NR5A2: variants seen among roughly 807,000 people sequenced by gnomAD.
The protein encoded by NR5A2 is nuclear receptor subfamily 5 group A member 2, also known as CYP7A promoter-binding factor.
A neutral mutation model predicts 62.7 loss-of-function variants in NR5A2; 26 were observed. The ratio of observed to expected loss-of-function variants is 0.41; its 90% confidence interval spans 0.30 to 0.58. NR5A2 has a LOEUF of 0.58. NR5A2 is among the 20% of genes least tolerant of loss of function. The pLI is 0.22. For missense variants in NR5A2, 541 were observed against 669.1 expected, an observed-to-expected ratio of 0.81 and a Z score of 2.11; for synonymous variants, 246 against 241.7, an observed-to-expected ratio of 1.02 and a Z score of -0.16.
At chr1:200,035,096 C>T (rs1337098339) in intron 1 of NR5A2, among the ~76,000 whole-genome samples, 1 of 151,982 alleles carries the variant, frequency 6.6e-6, no homozygotes, top group East Asian at 1.9e-4. Context: ...TAGGCAGACC[C>T]GGAGCTCCCG....
chr1:200,056,440 A>G lies in NR5A2; in HGVS notation c.1110+7622A>G, dbSNP rs1042146099. Reference sequence around the variant, plus strand: ...TACTGTTTTTAATGTACAAATGATAAAACAGCTCTTTCACACTTTAAAATT... The same window carrying G: ...TACTGTTTTTAATGTACAAATGATAGAACAGCTCTTTCACACTTTAAAATT... On this transcript the variant is annotated intron_variant, in intron 5 of 7. Coordinates refer to ENST00000367362, the MANE Select transcript of NR5A2 (RefSeq NM_205860.3). Among the ~76,000 whole-genome samples, 77 of 152,202 alleles carry G rather than the reference A, an allele frequency of 5.1e-4. 1 individual carries two copies. Among genetic ancestry groups the G allele is most frequent in the Non-Finnish European group, 5.9e-5 (4 of 68,032 alleles).
intron 7 of NR5A2, among the ~76,000 whole-genome samples, chr1:200,160,745 T>C (rs534665435): frequency 6.6e-6 from 1 of 151,804 alleles, no homozygotes; most frequent in South Asian, 2.1e-4. Flanking sequence ...ACATCTAGTA[T>C]GGGCTAAATT....
At chr1:200,057,295 C>A (rs971597027) in intron 5 of NR5A2, among the ~76,000 whole-genome samples, 1 of 151,980 alleles carries the variant, frequency 6.6e-6, no homozygotes, top group Non-Finnish European at 1.5e-5. Flanking sequence ...GCTTTCAGGC[C>A]ATTTTCTAGT....
At chr1:200,161,917 A>C (rs150741213) in intron 7 of NR5A2, among the ~76,000 whole-genome samples, 31 of 152,326 alleles carry the variant, frequency 2.0e-4, no homozygotes, top group African/African-American at 7.0e-4. Flanking sequence ...GGTGTAGGAA[A>C]TAAGAAACAT....
intron 5 of NR5A2, among the ~76,000 whole-genome samples, chr1:200,050,500 G>A (rs187863481): frequency 9.1e-4 from 139 of 152,218 alleles, no homozygotes; most frequent in Non-Finnish European, 1.8e-3. Context: ...ATATTGAGGA[G>A]GTTTTCAAAG....
At chr1:200,112,395 G>T (rs1388321332) in intron 6 of NR5A2, among the ~76,000 whole-genome samples, 5 of 152,038 alleles carry the variant, frequency 3.3e-5, no homozygotes, top group African/African-American at 7.3e-5. Flanking sequence ...CAATCCTTTG[G>T]GTCATACCTA....
intron 7 of NR5A2, among the ~76,000 whole-genome samples, chr1:200,165,270 A>G (rs951671015): frequency 6.6e-6 from 1 of 151,118 alleles, no homozygotes; most frequent in Non-Finnish European, 1.5e-5. Context: ...TTCCCCTACC[A>G]GCACAAGCCT....
intron 5 of NR5A2, among the ~76,000 whole-genome samples, chr1:200,078,456 CTA>C (rs1433814857): frequency 6.6e-6 from 1 of 152,132 alleles, no homozygotes; most frequent in East Asian, 1.9e-4. Context: ...CTAGGGAGGA[CTA>C]TGTTAAAGTC....
intron 5 of NR5A2, among the ~76,000 whole-genome samples, chr1:200,102,347 CAG>C (rs1395658414): frequency 6.6e-6 from 1 of 152,202 alleles, no homozygotes; most frequent in Admixed American, 6.5e-5. Flanking sequence ...CCCTAGGTTA[CAG>C]AGTGGTTTCT....
chr1:200,042,271 C>T (rs1662127203), intron 2 of NR5A2, among the ~76,000 whole-genome samples: 1 of 152,172 alleles, frequency 6.6e-6, no homozygotes. Context: ...GGCTCTGTGG[C>T]CCGGGAAGAG....
chr1:200,139,487 T>G (rs114190578), intron 7 of NR5A2, among the ~76,000 whole-genome samples: 69 of 152,336 alleles, frequency 4.5e-4, no homozygotes, highest in African/African-American at 1.5e-3. Context: ...TTGTCTATTT[T>G]AGTAGTCTTC....
chr1:200,036,031 A>C (rs1424958895), intron 1 of NR5A2, among the ~76,000 whole-genome samples: 1 of 152,118 alleles, frequency 6.6e-6, no homozygotes, highest in Non-Finnish European at 1.5e-5. Context: ...GCTTACACTA[A>C]GAGGTACAGT....
intron 6 of NR5A2, among the ~76,000 whole-genome samples, chr1:200,117,032 A>C (rs555293781): frequency 6.6e-6 from 1 of 152,340 alleles, no homozygotes; most frequent in Admixed American, 6.5e-5. Context: ...CAGTGATTAG[A>C]ATTAAAAGCA....
At chr1:200,153,462 A>G (rs1160471528) in intron 7 of NR5A2, among the ~76,000 whole-genome samples, 1 of 152,234 alleles carries the variant, frequency 6.6e-6, no homozygotes, top group Non-Finnish European at 1.5e-5. Context: ...AACAGAGGGT[A>G]CGAGCTCTGG....
intron 7 of NR5A2, among the ~76,000 whole-genome samples, chr1:200,142,984 T>C (rs1036132327): frequency 6.6e-6 from 1 of 152,212 alleles, no homozygotes; most frequent in African/African-American, 2.4e-5. Context: ...TTATTTTTGC[T>C]GACTTTTTCC....
intron 7 of NR5A2, among the ~76,000 whole-genome samples, chr1:200,145,358 C>A (rs1667646162): frequency 6.6e-6 from 1 of 151,354 alleles, no homozygotes; most frequent in Non-Finnish European, 1.5e-5. Context: ...AGAGTAATGG[C>A]AATTTTTTTT....
rs761114930 is a variant in NR5A2, at chr1:200,147,582, A to G, written c.1379-26381A>G. The G allele has an allele frequency of 8.7e-5, 62 of 712,896 alleles. No homozygotes were observed. Among genetic ancestry groups the G allele is most frequent in the Non-Finnish European group, 1.6e-4 (60 of 383,794 alleles). The allele number at this position is 712,896 out of a possible 1,614,324, so 44.2% of individuals were successfully genotyped here. A position where few individuals can be genotyped will look rare whatever the true frequency, so the allele number is the denominator to read the frequency against. ...GTGTGCTTAAAGCGATCTCCTCTAC[A>G]CGAACGCTAGGGCAGAGCACATTTT... On this transcript the variant is annotated intron_variant, in intron 7 of 7. Coordinates refer to ENST00000367362, the MANE Select transcript of NR5A2 (RefSeq NM_205860.3). This position sits in a 1 kb window ranked among gnomAD's most constrained non-coding sequence, Gnocchi z 4.9.
chr1:200,130,663 A>C (rs1036848455), intron 7 of NR5A2, among the ~76,000 whole-genome samples: 5 of 152,210 alleles, frequency 3.3e-5, no homozygotes, highest in African/African-American at 1.2e-4. Flanking sequence ...AGCTGCATAA[A>C]AGTTGGTTTT....
chr1:200,104,731 C>T (rs796780397), intron 5 of NR5A2, among the ~76,000 whole-genome samples: 4 of 152,274 alleles, frequency 2.6e-5, no homozygotes, highest in South Asian at 2.1e-4. Flanking sequence ...GGCGCGATCT[C>T]GGCTCACTGC....
Sources: allele counts gnomAD v4.1 joint callset (sites outside exome capture counted in the v4.1 genomes callset), GRCh38; gene constraint gnomAD v4.1.1; non-coding constraint Gnocchi (gnomAD v3.1); transcripts MANE v1.5; gene names NCBI Gene and HGNC (gene_info 2026-07-23, HGNC 2026-07-21).